Variants in HTR4 observed in about 807,000 individuals in gnomAD.
HTR4 encodes 5-hydroxytryptamine receptor 4.
Under a neutral mutation model 36.8 loss-of-function variants are expected in HTR4, and 16 were observed. The observed-to-expected ratio is 0.43, with a 90% CI of 0.29 to 0.66. The LOEUF (loss-of-function observed/expected upper bound fraction) is 0.66, where lower values mean the gene tolerates loss of function less well. Ranked by LOEUF, HTR4 falls within the 30% of genes least tolerant of loss-of-function variation. The pLI is 0.13. For synonymous variants in HTR4, 189 were observed against 185.1 expected (o/e 1.02, Z -0.17); for missense variants, 438 against 490.9 (o/e 0.89, Z 1.02).
At chr5:148,458,259 GCT>G (rs1177478157) in intron 5 of HTR4, among the ~76,000 whole-genome samples, 5 of 151,156 alleles carry the variant, frequency 3.3e-5, no homozygotes, top group Non-Finnish European at 1.5e-5. Context: ...AAAAGCCAGA[GCT>G]CTGTTAGCTG....
chr5:148,579,967 CA>C (rs1163049203), intron 2 of HTR4, among the ~76,000 whole-genome samples: 1 of 151,938 alleles, frequency 6.6e-6, no homozygotes, highest in Non-Finnish European at 1.5e-5. Context: ...CTTAATATTA[CA>C]AGCCAAATTC....
At chr5:148,633,825 T>G in intron 2 of HTR4, among the ~76,000 whole-genome samples, 1 of 152,186 alleles carries the variant, frequency 6.6e-6, no homozygotes, top group Non-Finnish European at 1.5e-5. Flanking sequence ...TTGCATTTTC[T>G]AACTTTCCTG....
At chr5:148,596,470 C>T (rs954892555) in intron 2 of HTR4, among the ~76,000 whole-genome samples, 1 of 152,120 alleles carries the variant, frequency 6.6e-6, no homozygotes, top group Non-Finnish European at 1.5e-5. Flanking sequence ...CATGTATTAT[C>T]CCCCCATTCC....
At chr5:148,563,922 G>C (rs562601060) in intron 2 of HTR4, among the ~76,000 whole-genome samples, 1 of 151,318 alleles carries the variant, frequency 6.6e-6, no homozygotes, top group South Asian at 2.1e-4. Flanking sequence ...TCTGTGGAAT[G>C]AATGACTGAC....
chr5:148,466,905 C>T (rs1288898285), intron 5 of HTR4, among the ~76,000 whole-genome samples: 2 of 152,164 alleles, frequency 1.3e-5, no homozygotes, highest in East Asian at 3.8e-4. Flanking sequence ...ACTAACAAAG[C>T]TCTCTTAGTG....
intron 5 of HTR4, among the ~76,000 whole-genome samples, chr5:148,458,401 T>C (rs1247544362): frequency 6.6e-6 from 1 of 152,062 alleles, no homozygotes; most frequent in Non-Finnish European, 1.5e-5. Flanking sequence ...TGCCATGCCT[T>C]GGACATATCA....
At chr5:148,521,879 C>T (rs562749562) in intron 5 of HTR4, among the ~76,000 whole-genome samples, 4 of 152,266 alleles carry the variant, frequency 2.6e-5, no homozygotes, top group Admixed American at 2.6e-4. Flanking sequence ...CCCCAGCAGC[C>T]TCTACCCACA....
At chr5:148,470,039 T>C (rs1755525291) in intron 5 of HTR4, among the ~76,000 whole-genome samples, 1 of 152,170 alleles carries the variant, frequency 6.6e-6, no homozygotes, top group East Asian at 1.9e-4. Flanking sequence ...AAAATTATAA[T>C]GATGATAATG....
rs530406173 is a variant in HTR4, at chr5:148,616,087, C to A, written c.26+20902G>T. On this transcript the variant is annotated intron_variant, in intron 2 of 6. Transcript: ENST00000377888. ...CTAGGCAACAAGGGCCACGTATTAG[C>A]TCAATGAATGGATTCTGGGCATCTG... Among the ~76,000 whole-genome samples the A allele has an allele frequency of 1.3e-5, 2 of 152,320 alleles. 1 individual carries two copies. The highest frequency in any genetic ancestry group is 4.1e-4 in the South Asian group (2 of 4,832).
chr5:148,570,891 A>G (rs918622096), intron 2 of HTR4, among the ~76,000 whole-genome samples: 102 of 151,980 alleles, frequency 6.7e-4, no homozygotes, highest in Non-Finnish European at 2.9e-4. Flanking sequence ...ATTTAAAAAT[A>G]TTTTCCTTGT....
At chr5:148,619,384 T>C (rs1270086317) in intron 2 of HTR4, among the ~76,000 whole-genome samples, 1 of 152,216 alleles carries the variant, frequency 6.6e-6, no homozygotes, top group East Asian at 1.9e-4. Context: ...AGATACTTTA[T>C]TAAATTAGAT....
At chr5:148,627,367 T>G (rs80220822) in intron 2 of HTR4, among the ~76,000 whole-genome samples, 2,656 of 152,336 alleles carry the variant, frequency 0.017, 37 homozygotes, top group Non-Finnish European at 0.028. Context: ...AAAAAATGAC[T>G]CTAATGTATC....
At chr5:148,463,321 C>T (rs1755334664) in intron 5 of HTR4, among the ~76,000 whole-genome samples, 2 of 151,148 alleles carry the variant, frequency 1.3e-5, no homozygotes, top group South Asian at 4.2e-4. Flanking sequence ...TACAGGCATG[C>T]ACCACCATGC....
intron 2 of HTR4, among the ~76,000 whole-genome samples, chr5:148,613,876 A>G (rs1752548182): frequency 6.6e-6 from 1 of 152,204 alleles, no homozygotes; most frequent in South Asian, 2.1e-4. Flanking sequence ...AAGCATTCCT[A>G]TATACCAACA....
chr5:148,535,097 A>T (rs772278498), intron 4 of HTR4, among the ~76,000 whole-genome samples: 6 of 152,276 alleles, frequency 3.9e-5, no homozygotes, highest in Middle Eastern at 3.4e-3. Flanking sequence ...ACAGGACCAC[A>T]CCTCGAAGCT....
At chr5:148,578,735 C>A (rs2076608390) in intron 2 of HTR4, among the ~76,000 whole-genome samples, 1 of 152,010 alleles carries the variant, frequency 6.6e-6, no homozygotes. Flanking sequence ...ATCACAATAC[C>A]TACGTCTTAG....
At chr5:148,619,643 C>A (rs551485991) in intron 2 of HTR4, among the ~76,000 whole-genome samples, 1 of 152,248 alleles carries the variant, frequency 6.6e-6, no homozygotes, top group East Asian at 1.9e-4. Context: ...TAGCCATCGA[C>A]ACAATGCAAA....
At chr5:148,526,441 G>A (rs1758280804) in intron 4 of HTR4, among the ~76,000 whole-genome samples, 1 of 152,126 alleles carries the variant, frequency 6.6e-6, no homozygotes, top group African/African-American at 2.4e-5. Context: ...TATCTTTGTT[G>A]TGTAATCAAT....
chr5:148,504,381 T>C (rs958150306), intron 6 of HTR4, among the ~76,000 whole-genome samples: 3 of 152,284 alleles, frequency 2.0e-5, no homozygotes, highest in Non-Finnish European at 4.4e-5. Flanking sequence ...AACAACCTGC[T>C]CCTGAATGAC....
Sources: allele counts gnomAD v4.1 joint callset (sites outside exome capture counted in the v4.1 genomes callset), GRCh38; gene constraint gnomAD v4.1.1; transcripts MANE v1.5; gene names NCBI Gene and HGNC (gene_info 2026-07-23, HGNC 2026-07-21).